The following PDE4D variants were observed in gnomAD, a reference collection of about 807,000 sequenced individuals.
PDE4D encodes 3',5'-cyclic-AMP phosphodiesterase 4D.
PDE4D carries 24 observed loss-of-function variants against 87.4 expected under a neutral mutation model. The ratio of observed to expected loss-of-function variants is 0.27; its 90% CI spans 0.20 to 0.39. PDE4D has a LOEUF of 0.39. PDE4D is among the 10% of genes least tolerant of loss of function. The pLI, the probability that PDE4D is intolerant of heterozygous loss-of-function variation, is 1.00. For missense variants in PDE4D, 714 were observed against 1,041.0 expected, an observed-to-expected ratio of 0.69 and a Z score of 4.32; for synonymous variants, 384 against 383.2, an observed-to-expected ratio of 1.00 and a Z score of -0.02.
At chr5:59,810,135 G>T (rs115830655) in intron 1 of PDE4D, among the ~76,000 whole-genome samples, 5,829 of 152,190 alleles carry the variant, frequency 0.038, 359 homozygotes, top group African/African-American at 0.13. Flanking sequence ...TCCTCTCAGC[G>T]GCCAGCAGAT....
intron 3 of PDE4D, 53 bp downstream of exon 3, chr5:59,193,447 A>G (rs1378085233): frequency 1.3e-6 from 2 of 1,510,726 alleles, no homozygotes; most frequent in Non-Finnish European, 1.8e-6. Context: ...TAATTCCCCA[A>G]ATTAAATTTT....
chr5:60,197,077 TTAGATAGATAGATAGATAGATAGATAGA>T (rs70975372), intron 1 of PDE4D, among the ~76,000 whole-genome samples: 6 of 117,408 alleles, frequency 5.1e-5, no homozygotes, highest in African/African-American at 1.9e-4. Flanking sequence ...AGATAGACAG[TTAGATAGATAGATAGATAGATAGATAGA>T]TAGATAGATA....
chr5:60,184,562 G>GT (rs1441669324), intron 2 of PDE4D, among the ~76,000 whole-genome samples: 1 of 152,116 alleles, frequency 6.6e-6, no homozygotes, highest in Non-Finnish European at 1.5e-5. Flanking sequence ...ATTAAACACG[G>GT]TATTCAGTCA....
intron 1 of PDE4D, among the ~76,000 whole-genome samples, chr5:60,208,351 T>C (rs956400146): frequency 6.6e-6 from 1 of 152,194 alleles, no homozygotes; most frequent in African/African-American, 2.4e-5. Flanking sequence ...TGGAAGTACC[T>C]TGGTGTGTCT....
rs1221514155 is a variant in PDE4D, at chr5:59,574,163, T to A, written c.455+319005A>T. On this transcript the variant is annotated intron_variant, in intron 1 of 14. Coordinates refer to ENST00000340635, the MANE Select transcript of PDE4D (RefSeq NM_001104631.2). ...ATATATAAATATATATTTATATATA[T>A]ATATATATAAATATCTTCTAGCAAA... 9.6e-4 allele frequency among the ~76,000 whole-genome samples: 101 copies of A among 105,552 alleles called. 1 individual carries two copies. Among genetic ancestry groups the A allele is most frequent in the African/African-American group, 3.4e-3 (91 of 26,466 alleles). 69.2% of individuals were successfully genotyped at this position (105,552 alleles called of 152,430 possible).
intron 2 of PDE4D, among the ~76,000 whole-genome samples, chr5:60,118,279 TCTG>T (rs1778346822): frequency 6.6e-6 from 1 of 152,170 alleles, no homozygotes; most frequent in Admixed American, 6.6e-5. Flanking sequence ...TCTGGTGACC[TCTG>T]GCTCCTTGAG....
chr5:59,204,241 C>A (rs898420305), intron 2 of PDE4D, among the ~76,000 whole-genome samples: 2 of 150,356 alleles, frequency 1.3e-5, no homozygotes, highest in Admixed American at 1.3e-4. Context: ...ATTTTTGGCT[C>A]ATGTGTGCTC....
intron 1 of PDE4D, among the ~76,000 whole-genome samples, chr5:59,700,514 G>T (rs188523048): frequency 9.2e-5 from 14 of 152,176 alleles, no homozygotes; most frequent in African/African-American, 3.4e-4. Flanking sequence ...AAAAAATCAC[G>T]TAGATTTCAC....
chr5:59,683,345 T>A (rs2150371270), intron 1 of PDE4D, among the ~76,000 whole-genome samples: 1 of 152,344 alleles, frequency 6.6e-6, no homozygotes, highest in African/African-American at 2.4e-5. Context: ...CCTTGTGCTA[T>A]TCTTGCCACT....
At chr5:60,054,830 A>T (rs528166188) in intron 2 of PDE4D, among the ~76,000 whole-genome samples, 2 of 152,280 alleles carry the variant, frequency 1.3e-5, no homozygotes, top group African/African-American at 4.8e-5. Flanking sequence ...CAAACTAATA[A>T]ACAAAACCAG....
intron 5 of PDE4D, among the ~76,000 whole-genome samples, chr5:59,146,493 C>T (rs1778679365): frequency 6.6e-6 from 1 of 151,598 alleles, no homozygotes; most frequent in Non-Finnish European, 1.5e-5. Context: ...GTGCCACATT[C>T]TCAAAGCCAC....
chr5:60,348,671 T>C (rs535532209), intron 1 of PDE4D, among the ~76,000 whole-genome samples: 1 of 152,274 alleles, frequency 6.6e-6, no homozygotes, highest in East Asian at 1.9e-4. Flanking sequence ...AACTCTAGAA[T>C]ATTTGTTCTT....
At chr5:60,057,423 A>C (rs912041949) in intron 2 of PDE4D, among the ~76,000 whole-genome samples, 3 of 151,964 alleles carry the variant, frequency 2.0e-5, no homozygotes, top group Admixed American at 1.3e-4. Context: ...ATCTGAACAA[A>C]TATTTCTCCT....
chr5:60,467,482 G>C (rs1430815221), intron 1 of PDE4D, among the ~76,000 whole-genome samples: 1 of 152,130 alleles, frequency 6.6e-6, no homozygotes, highest in Non-Finnish European at 1.5e-5. Flanking sequence ...GCCTCCTCTT[G>C]CCTTCACAGC....
chr5:60,137,827 G>T (rs547273476), intron 2 of PDE4D, among the ~76,000 whole-genome samples: 1 of 151,814 alleles, frequency 6.6e-6, no homozygotes, highest in African/African-American at 2.4e-5. Context: ...TTTTGCAATT[G>T]CTTTTGTCAT....
intron 3 of PDE4D, among the ~76,000 whole-genome samples, chr5:59,913,281 T>C (rs760180769): frequency 2.0e-5 from 3 of 152,216 alleles, no homozygotes; most frequent in Non-Finnish European, 4.4e-5. Context: ...CTATGAAACA[T>C]TGACTCTTTC....
intron 2 of PDE4D, among the ~76,000 whole-genome samples, chr5:60,148,963 T>G (rs923430720): frequency 3.9e-5 from 6 of 152,168 alleles, no homozygotes; most frequent in African/African-American, 1.4e-4. Flanking sequence ...TAAAGGGAGA[T>G]GGAGGAATTC....
At chr5:60,232,626 T>G (rs1745951346) in intron 1 of PDE4D, among the ~76,000 whole-genome samples, 1 of 151,870 alleles carries the variant, frequency 6.6e-6, no homozygotes, top group Non-Finnish European at 1.5e-5. Flanking sequence ...TGTACTAAAT[T>G]GAGTAAAGCA....
In PDE4D at chr5:60,114,720, TTTGC is replaced by T. The variant is rs375948538; in HGVS notation, c.42+70833_42+70836del. Reference sequence around the variant, plus strand: ...CAAAGGAACTCTCATCCATCATCACTTTGCTTGTTAAATCTTACTGAAATAACAT... The same window carrying T: ...CAAAGGAACTCTCATCCATCATCACTTTGTTAAATCTTACTGAAATAACAT... On this transcript the variant is annotated intron_variant, in intron 2 of 16. Transcript: ENST00000502484. 2.9e-4 allele frequency among the ~76,000 whole-genome samples: 44 copies of T among 152,222 alleles called. 1 individual carries two copies. The highest frequency in any genetic ancestry group is 9.6e-4 in the African/African-American group (40 of 41,546).
Sources: allele counts gnomAD v4.1 joint callset (sites outside exome capture counted in the v4.1 genomes callset), GRCh38; gene constraint gnomAD v4.1.1; transcripts MANE v1.5; gene names NCBI Gene and HGNC (gene_info 2026-07-23, HGNC 2026-07-21).